The following GRM8 variants were observed in gnomAD, a reference collection of about 807,000 sequenced individuals.
GRM8 encodes the protein metabotropic glutamate receptor 8.
A neutral mutation model predicts 87.2 loss-of-function variants in GRM8; 47 were observed. That is an observed-to-expected ratio of 0.54 (90% CI 0.43 to 0.69). The LOEUF (loss-of-function observed/expected upper bound fraction) is 0.69, where lower values mean the gene tolerates loss of function less well. Ranked by LOEUF, GRM8 falls within the 30% of genes least tolerant of loss-of-function variation. GRM8 has a pLI of 0.00. For synonymous variants in GRM8, 396 were observed against 404.5 expected, an observed-to-expected ratio of 0.98 and a Z score of 0.25; for missense variants, 1,019 against 1,139.2, an observed-to-expected ratio of 0.89 and a Z score of 1.52.
intron 3 of GRM8, among the ~76,000 whole-genome samples, chr7:126,907,751 G>A (rs879795831): frequency 1.3e-5 from 2 of 152,136 alleles, no homozygotes; most frequent in Admixed American, 1.3e-4. Context: ...AATGGATGAC[G>A]ATCGCTGATA....
chr7:126,579,747 A>G (rs1795440566), intron 8 of GRM8, among the ~76,000 whole-genome samples: 1 of 152,186 alleles, frequency 6.6e-6, no homozygotes, highest in South Asian at 2.1e-4. Context: ...AAATTTGTCC[A>G]CTAACTCATT....
chr7:126,845,736 A>G (rs1347134913), intron 6 of GRM8, among the ~76,000 whole-genome samples: 1 of 152,198 alleles, frequency 6.6e-6, no homozygotes, highest in African/African-American at 2.4e-5. Flanking sequence ...AACAAAAATT[A>G]TATTACTTAC....
intron 7 of GRM8, among the ~76,000 whole-genome samples, chr7:126,626,101 A>AGTGTAT (rs147069195): frequency 0.029 from 4,379 of 148,814 alleles, 80 homozygotes; most frequent in Non-Finnish European, 0.048. Context: ...ATATGAGAGA[A>AGTGTAT]GTGTGTGTGT....
chr7:126,991,219 G>A (rs1417898327), intron 3 of GRM8, among the ~76,000 whole-genome samples: 7 of 151,836 alleles, frequency 4.6e-5, no homozygotes, highest in Middle Eastern at 3.2e-3. Context: ...AATCTTTACT[G>A]TTCCACTTAC....
At chr7:127,207,154 A>G (rs1380136053) in intron 2 of GRM8, among the ~76,000 whole-genome samples, 2 of 152,322 alleles carry the variant, frequency 1.3e-5, no homozygotes, top group Admixed American at 6.5e-5. Context: ...ACACTAATTT[A>G]TATTTGCAAA....
intron 6 of GRM8, among the ~76,000 whole-genome samples, chr7:126,877,575 T>C (rs984262857): frequency 6.6e-6 from 1 of 150,862 alleles, no homozygotes; most frequent in East Asian, 1.9e-4. Context: ...TTCTCATCTC[T>C]ACACTTTAGC....
chr7:127,221,196 G>A (rs1163052392), intron 2 of GRM8, among the ~76,000 whole-genome samples: 2 of 152,178 alleles, frequency 1.3e-5, no homozygotes, highest in Admixed American at 1.3e-4. Context: ...TGCCAATCTT[G>A]TCATTTACAT....
At chr7:127,118,392 C>G (rs1343502091) in intron 2 of GRM8, 1 of 152,150 alleles carries the variant, frequency 6.6e-6, no homozygotes, top group Non-Finnish European at 1.5e-5. Flanking sequence ...TCTCAGTATC[C>G]AAAGGGCAAT....
At chr7:127,095,422 G>A (rs74930531) in intron 3 of GRM8, among the ~76,000 whole-genome samples, 308 of 152,256 alleles carry the variant, frequency 2.0e-3, no homozygotes, top group African/African-American at 6.9e-3. Context: ...GACTAATAGT[G>A]TCAGGTAAAG....
intron 2 of GRM8, among the ~76,000 whole-genome samples, chr7:127,232,237 G>GAGAGAGAC (rs1554616437): frequency 7.1e-6 from 1 of 140,372 alleles, no homozygotes; most frequent in Non-Finnish European, 1.6e-5. Context: ...GAGAGAGAGA[G>GAGAGAGAC]AGACAGACAG....
At chr7:126,609,267 G>A in intron 8 of GRM8, 95 bp downstream of exon 8, 1 of 827,018 alleles carries the variant, frequency 1.2e-6, no homozygotes, top group Non-Finnish European at 1.8e-6. Flanking sequence ...TTTATTTATG[G>A]GGAAAACCTA....
intron 7 of GRM8, among the ~76,000 whole-genome samples, chr7:126,614,158 G>A (rs534507938): frequency 2.0e-4 from 31 of 152,256 alleles, no homozygotes; most frequent in Middle Eastern, 6.8e-3. Context: ...TCACACGGCC[G>A]GGTACCCTTC....
chr7:126,541,503 C>A (rs1439802521), intron 8 of GRM8, among the ~76,000 whole-genome samples: 4 of 152,080 alleles, frequency 2.6e-5, no homozygotes, highest in Non-Finnish European at 5.9e-5. Flanking sequence ...TAGTTGGGAT[C>A]TTCCATAGGG....
intron 3 of GRM8, among the ~76,000 whole-genome samples, chr7:127,024,568 A>T (rs949960255): frequency 5.9e-5 from 9 of 152,040 alleles, no homozygotes; most frequent in African/African-American, 1.9e-4. Context: ...CACACAAGAG[A>T]CGACATCTCT....
intron 3 of GRM8, among the ~76,000 whole-genome samples, chr7:126,925,725 G>C (rs1469650072): frequency 6.6e-6 from 1 of 152,144 alleles, no homozygotes; most frequent in Non-Finnish European, 1.5e-5. Flanking sequence ...TTGAACCTAA[G>C]ATGTGGTTTA....
intron 3 of GRM8, among the ~76,000 whole-genome samples, chr7:126,953,872 T>C (rs774608040): frequency 3.3e-5 from 5 of 152,186 alleles, no homozygotes; most frequent in Non-Finnish European, 5.9e-5. Flanking sequence ...CTTTATAATA[T>C]GCATTTCTAC....
intron 3 of GRM8, among the ~76,000 whole-genome samples, chr7:127,096,574 T>A (rs1033690262): frequency 1.6e-4 from 24 of 148,162 alleles, no homozygotes; most frequent in African/African-American, 5.7e-4. Flanking sequence ...AAAAAAAAAA[T>A]ACAAATTGAC....
At chr7:127,001,557 G>A (rs1286422333) in intron 3 of GRM8, among the ~76,000 whole-genome samples, 1 of 151,608 alleles carries the variant, frequency 6.6e-6, no homozygotes, top group Non-Finnish European at 1.5e-5. Context: ...AAAGTCATTA[G>A]AATGGCTAAA....
At chr7:126,552,932 T>C (rs1216694603) in intron 8 of GRM8, among the ~76,000 whole-genome samples, 2 of 152,150 alleles carry the variant, frequency 1.3e-5, no homozygotes, top group Admixed American at 6.5e-5. Context: ...TGAGCCTCAA[T>C]TTCCCCATCT....
Sources: allele counts gnomAD v4.1 joint callset (sites outside exome capture counted in the v4.1 genomes callset), GRCh38; gene constraint gnomAD v4.1.1; transcripts MANE v1.5; gene names NCBI Gene and HGNC (gene_info 2026-07-23, HGNC 2026-07-21).